The following ZBED5 variants were observed in gnomAD, a reference collection of about 807,000 sequenced individuals.
ZBED5 encodes zinc finger BED domain-containing protein 5.
In ZBED5, 29 loss-of-function variants were observed where a neutral mutation model predicts 49.2. The observed-to-expected ratio is 0.59, with a 90% CI of 0.44 to 0.80. The LOEUF (loss-of-function observed/expected upper bound fraction) is 0.80. ZBED5 is among the 30% of genes least tolerant of loss of function. The pLI, the probability that ZBED5 is intolerant of heterozygous loss-of-function variation, is 0.00. For synonymous variants in ZBED5, 281 were observed against 292.5 expected, an observed-to-expected ratio of 0.96 and a Z score of 0.40; for missense variants, 775 against 812.9, an observed-to-expected ratio of 0.95 and a Z score of 0.57.
At chr11:10,856,938 T>G (rs531788173) in intron 1 of ZBED5, among the ~76,000 whole-genome samples, 1 of 152,180 alleles carries the variant, frequency 6.6e-6, no homozygotes, top group Non-Finnish European at 1.5e-5. Flanking sequence ...ATTCCCCAAC[T>G]ACTAAAAAAT....
In ZBED5 at chr11:10,853,229, A is replaced by G; in HGVS notation, c.1717T>C (p.Trp573Arg). The change falls in exon 3 of 3, where the codon TGG becomes CGG. Residue 573 changes from tryptophan to arginine, a missense_variant. Trp to Arg is a moderately radical substitution (Grantham distance 101). Coordinates refer to ENST00000413761, the MANE Select transcript of ZBED5 (RefSeq NM_001143667.2). The surrounding 1 kb of genome is among the most constrained non-coding windows in gnomAD (Gnocchi z 5.4). ...GTAACTGTAAATGGATTTCTAACCC[A>G]AGCATTATTGTCATTTGTTACAGGA... ...YFPVTNDNNA[W>R]VRNPFTVTVK... The G allele has an allele frequency of 6.4e-7, 1 of 1,551,572 alleles. No individual in the cohort carries two copies. The highest frequency in any genetic ancestry group is 8.7e-7 in the Non-Finnish European group (1 of 1,146,840).
chr11:10,857,327 T>G lies in ZBED5; in HGVS notation c.-256+535A>C, dbSNP rs1300999074. 6.6e-6 allele frequency: 1 copy of G among 152,234 alleles called. No individual in the cohort carries two copies. Among genetic ancestry groups the G allele is most frequent in the African/African-American group, 2.4e-5 (1 of 41,456 alleles). The allele number at this position is 152,234 out of a possible 1,614,324, so 9.4% of individuals were successfully genotyped here. On this transcript the variant is annotated intron_variant, in intron 1 of 2. Transcript: ENST00000413761. This position sits in a 1 kb window ranked among gnomAD's most constrained non-coding sequence, Gnocchi z 6.3. ...CTGAAGAGCGGGGAAAACTTCCGTC[T>G]TTAGTCTCCTTCCGGTTAAACTGAC...
In ZBED5 at chr11:10,854,614, T is replaced by C. The variant is rs753791731; in HGVS notation, c.332A>G (p.Asp111Gly). ...FSKKPKRRKYDESYLSFGFTY... is the reference protein window; with the variant it reads ...FSKKPKRRKYGESYLSFGFTY... Reference sequence around the variant, plus strand: ...AAATCCAAAAGACAAATAACTTTCATCATATTTTCTTCTTTTTGGTTTTTT... The same window carrying C: ...AAATCCAAAAGACAAATAACTTTCACCATATTTTCTTCTTTTTGGTTTTTT... Residue 111 changes from aspartate (D) to glycine (G), a missense_variant, in exon 3 of 3, where the codon GAT becomes GGT. Physicochemically the swap from Asp to Gly is moderately conservative, Grantham distance 94. Coordinates refer to ENST00000413761, the MANE Select transcript of ZBED5 (RefSeq NM_001143667.2). The surrounding 1 kb of genome is among the most constrained non-coding windows in gnomAD (Gnocchi z 5.0). 6 of 1,550,846 alleles carry C rather than the reference T, an allele frequency of 3.9e-6. No homozygotes were observed. Among genetic ancestry groups the C allele is most frequent in the Admixed American group, 3.9e-5 (2 of 50,890 alleles).
chr11:10,855,991 A>T lies in ZBED5; in HGVS notation c.-142+153T>A, dbSNP rs960830994. On this transcript the variant is annotated intron_variant, in intron 2 of 2. Coordinates refer to ENST00000413761, the MANE Select transcript of ZBED5 (RefSeq NM_001143667.2). The surrounding 1 kb of genome is among the most constrained non-coding windows in gnomAD (Gnocchi z 4.1). Reference sequence around the variant, plus strand: ...CTAAGGATTGCTAAAGAATACTATTAACTCTATAAATCAAGGCATACAAAT... The same window carrying T: ...CTAAGGATTGCTAAAGAATACTATTTACTCTATAAATCAAGGCATACAAAT... 2.6e-5 allele frequency: 4 copies of T among 152,230 alleles called. No homozygotes were observed. In the South Asian group the frequency reaches 8.3e-4, roughly 31 times the overall value. The allele number at this position is 152,230 out of a possible 1,614,324, so 9.4% of individuals were successfully genotyped here.
Position 10,854,828 on chromosome 11 carries a change from G to C in ZBED5, c.118C>G (p.Leu40Val), listed in dbSNP as rs1246658389. 1.3e-6 allele frequency: 2 copies of C among 1,552,002 alleles called. No homozygotes were observed. ...TTNSLPMDLL[L>V]KQGSLKQEVE... ...TCTTGTTTAAGACTTCCTTGTTTCA[G>C]CAACAGATCCATGGGCAATGAGTTT... The change falls in exon 3 of 3, where the codon CTG (leucine) becomes GTG (valine). Residue 40 changes from leucine (L) to valine (V), a missense_variant. By Grantham distance (32) the Leu-to-Val change is conservative. Coordinates refer to ENST00000413761, the MANE Select transcript of ZBED5 (RefSeq NM_001143667.2). This position sits in a 1 kb window ranked among gnomAD's most constrained non-coding sequence, Gnocchi z 5.0.
chr11:10,856,007 G>C (rs1848175348), intron 2 of ZBED5, 137 bp downstream of exon 2: 1 of 152,048 alleles, frequency 6.6e-6, no homozygotes, highest in Non-Finnish European at 1.5e-5. Flanking sequence ...ATAAATCAAG[G>C]CATACAAATT....
rs1419269709 is a variant in ZBED5 at position 10,854,285 on chromosome 11, A to G, written c.661T>C (p.Cys221Arg). ...ATCCGCATCACTACATCTTTTGCACAAGGTTTGATAAGCAATTCTCCAATA... is the reference window on the plus strand; with the variant it reads ...ATCCGCATCACTACATCTTTTGCACGAGGTTTGATAAGCAATTCTCCAATA... ...HTIGELLIKP[C>R]AKDVVMRMFD... The change falls in exon 3 of 3, where the codon TGT (cysteine) becomes CGT (arginine). Residue 221 changes from cysteine (C) to arginine (R), a missense_variant. Physicochemically the swap from Cys to Arg is radical, Grantham distance 180. Coordinates refer to ENST00000413761, the MANE Select transcript of ZBED5 (RefSeq NM_001143667.2). This position sits in a 1 kb window ranked among gnomAD's most constrained non-coding sequence, Gnocchi z 5.0. 1.9e-6 allele frequency: 3 copies of G among 1,550,908 alleles called. No individual in the cohort carries two copies. In the African/African-American group the frequency reaches 4.1e-5, roughly 21 times the overall value.
chr11:10,853,458 C>T lies in ZBED5; in HGVS notation c.1488G>A (p.Val496=). The part of the protein sequence containing the change: ...EVNLSMQGKN[V]TVFTVFDKMS... ...TTTTATCAAATACTGTAAAAACGGT[C>T]ACATTTTTTCCTTGCATTGACAAAT... Residue 496 remains valine (V), a synonymous_variant, in exon 3 of 3, where the codon GTG becomes GTA. Coordinates refer to ENST00000413761, the MANE Select transcript of ZBED5 (RefSeq NM_001143667.2). This position sits in a 1 kb window ranked among gnomAD's most constrained non-coding sequence, Gnocchi z 5.4. 6.4e-7 allele frequency: 1 copy of T among 1,550,540 alleles called. No individual in the cohort carries two copies.
At position 10,852,736 on chromosome 11, in the gene ZBED5, T is replaced by TA; in HGVS notation, c.*127dup. 1 of 1,361,158 alleles carries TA rather than the reference T, an allele frequency of 7.3e-7. No individual in the cohort carries two copies. Among genetic ancestry groups the TA allele is most frequent in the Non-Finnish European group, 9.6e-7 (1 of 1,042,460 alleles). 84.3% of individuals were successfully genotyped at this position (1,361,158 alleles called of 1,614,324 possible). On this transcript the variant is annotated 3_prime_UTR_variant, in exon 3 of 3. Coordinates refer to ENST00000413761, the MANE Select transcript of ZBED5 (RefSeq NM_001143667.2). ...AAAACGTTTGATTCTTTAGCCTTCT[T>TA]AAAATCTAAATAGTATAAAAAAATG...
At position 10,854,580 on chromosome 11, in the gene ZBED5, G is replaced by A. The variant is rs943507638; in HGVS notation, c.366C>T (p.Phe122=). Residue 122 remains phenylalanine, a synonymous_variant, in exon 3 of 3, where the codon TTC becomes TTT. Coordinates refer to ENST00000413761, the MANE Select transcript of ZBED5 (RefSeq NM_001143667.2). The surrounding 1 kb of genome is among the most constrained non-coding windows in gnomAD (Gnocchi z 5.0). Reference sequence around the variant, plus strand: ...GAGCATGAGGTGCATCTCTATTTCCGAAGTAAGTAAATCCAAAAGACAAAT... The same window carrying A: ...GAGCATGAGGTGCATCTCTATTTCCAAAGTAAGTAAATCCAAAAGACAAAT... The part of the protein sequence containing the change: ...ESYLSFGFTY[F]GNRDAPHAQC... 2.3e-5 allele frequency: 36 copies of A among 1,551,118 alleles called. No individual in the cohort carries two copies. The highest frequency in any genetic ancestry group is 3.9e-5 in the Admixed American group (2 of 50,970).
In ZBED5 at chr11:10,855,332, A is replaced by G. The variant is rs1043679162; in HGVS notation, c.-141-246T>C. On this transcript the variant is annotated intron_variant, in intron 2 of 2. Transcript: ENST00000413761. The surrounding 1 kb of genome is among the most constrained non-coding windows in gnomAD (Gnocchi z 4.1). ...ATTTTTAAGAAAGGGACCCTGAAGA[A>G]TATGTCCCATGGCAGGGGTTGGCAG... Among the ~76,000 whole-genome samples, 9 of 152,190 alleles carry G rather than the reference A, an allele frequency of 5.9e-5. No individual in the cohort carries two copies. Among genetic ancestry groups the G allele is most frequent in the African/African-American group, 1.9e-4 (8 of 41,442 alleles).
In ZBED5 at chr11:10,857,672, C is replaced by T. The variant is rs1411598529; in HGVS notation, c.-256+190G>A. 1 of 152,384 alleles carries T rather than the reference C, an allele frequency of 6.6e-6. No individual in the cohort carries two copies. Among genetic ancestry groups the T allele is most frequent in the Non-Finnish European group, 1.5e-5 (1 of 68,180 alleles). The allele number at this position is 152,384 out of a possible 1,614,324, so 9.4% of individuals were successfully genotyped here. On this transcript the variant is annotated intron_variant, in intron 1 of 2. Coordinates refer to ENST00000413761, the MANE Select transcript of ZBED5 (RefSeq NM_001143667.2). This position sits in a 1 kb window ranked among gnomAD's most constrained non-coding sequence, Gnocchi z 6.3. ...GCCTGCGCTAACGACCACATGAAAA[C>T]GTCTCAGCACCCAACACCATCTCTC... is the stretch of plus-strand genomic sequence containing the variant.
rs1377787548 is a variant in ZBED5 at position 10,853,844 on chromosome 11, T to C, written c.1102A>G (p.Thr368Ala). 4 of 1,551,644 alleles carry C rather than the reference T, an allele frequency of 2.6e-6. No homozygotes were observed. Among genetic ancestry groups the C allele is most frequent in the Admixed American group, 2.0e-5 (1 of 51,002 alleles). Residue 368 changes from threonine (T) to alanine (A), a missense_variant, in exon 3 of 3, where the codon ACC becomes GCC. Transcript: ENST00000413761. The surrounding 1 kb of genome is among the most constrained non-coding windows in gnomAD (Gnocchi z 5.4). ...TLIKYVAPES[T>A]SSHCLLYRHA... Reference sequence around the variant, plus strand: ...CTGTATAATAGGCAGTGACTACTGGTGCTTTCGGGAGCCACATATTTTATT... The same window carrying C: ...CTGTATAATAGGCAGTGACTACTGGCGCTTTCGGGAGCCACATATTTTATT...
Position 10,854,673 on chromosome 11 carries a change from T to G in ZBED5, c.273A>C (p.Lys91Asn), listed in dbSNP as rs1022343748. The change falls in exon 3 of 3, where the codon AAA becomes AAC. Residue 91 changes from lysine to asparagine, a missense_variant. Physicochemically the swap from Lys to Asn is moderately conservative, Grantham distance 94 (BLOSUM62 0). Coordinates refer to ENST00000413761, the MANE Select transcript of ZBED5 (RefSeq NM_001143667.2). The surrounding 1 kb of genome is among the most constrained non-coding windows in gnomAD (Gnocchi z 5.0). ...TTATTTTGTTGGAATTGGATATAAA[T>G]TTGACCCTGGAAAGCTCACCTTCTG... is the stretch of plus-strand genomic sequence containing the variant. ...KKSEGELSRV[K>N]FISNSNKITF... The G allele has an allele frequency of 1.3e-6, 2 of 1,551,292 alleles. No individual in the cohort carries two copies. The highest frequency in any genetic ancestry group is 1.7e-6 in the Non-Finnish European group (2 of 1,146,904).
In ZBED5 at chr11:10,855,969, A is replaced by T. The variant is rs1848174217; in HGVS notation, c.-142+175T>A. The stretch of plus-strand genomic sequence containing the variant: ...AAAATTAAAAGGATAATGCAATCTA[A>T]GGATTGCTAAAGAATACTATTAACT... On this transcript the variant is annotated intron_variant, in intron 2 of 2. Transcript: ENST00000413761. The surrounding 1 kb of genome is among the most constrained non-coding windows in gnomAD (Gnocchi z 4.1). 6.6e-6 allele frequency: 1 copy of T among 152,208 alleles called. No homozygotes were observed. The highest frequency in any genetic ancestry group is 2.4e-5 in the African/African-American group (1 of 41,456). 9.4% of individuals were successfully genotyped at this position (152,208 alleles called of 1,614,324 possible).
chr11:10,853,672 G>A lies in ZBED5; in HGVS notation c.1274C>T (p.Ala425Val). 4 of 1,551,630 alleles carry A rather than the reference G, an allele frequency of 2.6e-6. No homozygotes were observed. Among genetic ancestry groups the A allele is most frequent in the Non-Finnish European group, 3.5e-6 (4 of 1,146,944 alleles). Reference sequence around the variant, plus strand: ...CCTCACCTCTGTATTTAGAAGAAGTGCTGTGTGCTGAGCACCCATTTCCTC... The same window carrying A: ...CCTCACCTCTGTATTTAGAAGAAGTACTGTGTGCTGAGCACCCATTTCCTC... ...LCEEMGAQHT[A>V]LLLNTEVRWL... The change falls in exon 3 of 3, where the codon GCA becomes GTA. Residue 425 changes from alanine (A) to valine (V), a missense_variant. Physicochemically the swap from Ala to Val is moderately conservative, Grantham distance 64 (BLOSUM62 0). Coordinates refer to ENST00000413761, the MANE Select transcript of ZBED5 (RefSeq NM_001143667.2). This position sits in a 1 kb window ranked among gnomAD's most constrained non-coding sequence, Gnocchi z 5.4.
In ZBED5 at chr11:10,857,088, GTC is replaced by G. The variant is rs997948714; in HGVS notation, c.-256+772_-256+773del. The stretch of plus-strand genomic sequence containing the variant: ...CAAAAAAGCAGATTCTCCTTCCACA[GTC>G]TCCTTTTGGATTTTGCAACGGAGAA... On this transcript the variant is annotated intron_variant, in intron 1 of 2. Transcript: ENST00000413761. This position sits in a 1 kb window ranked among gnomAD's most constrained non-coding sequence, Gnocchi z 6.3. 2 of 152,204 alleles carry G rather than the reference GTC, an allele frequency of 1.3e-5. No individual in the cohort carries two copies. Among genetic ancestry groups the G allele is most frequent in the African/African-American group, 4.8e-5 (2 of 41,438 alleles). 9.4% of individuals were successfully genotyped at this position (152,204 alleles called of 1,614,324 possible).
intron 1 of ZBED5, among the ~76,000 whole-genome samples, chr11:10,856,637 C>T (rs1282983402): frequency 6.6e-6 from 1 of 152,200 alleles, no homozygotes; most frequent in Non-Finnish European, 1.5e-5. Flanking sequence ...TGAAGCAGTT[C>T]TTTCACTACA....
At position 10,855,845 on chromosome 11, in the gene ZBED5, G is replaced by T. The variant is rs985772199; in HGVS notation, c.-142+299C>A. On this transcript the variant is annotated intron_variant, in intron 2 of 2. Coordinates refer to ENST00000413761, the MANE Select transcript of ZBED5 (RefSeq NM_001143667.2). The surrounding 1 kb of genome is among the most constrained non-coding windows in gnomAD (Gnocchi z 4.1). ...AATGTATATTTTTACAGATAACTCTGCATTCTATTTATACAACAGGTGACG... is the reference window on the plus strand; with the variant it reads ...AATGTATATTTTTACAGATAACTCTTCATTCTATTTATACAACAGGTGACG... 5 of 151,442 alleles carry T rather than the reference G, an allele frequency of 3.3e-5. No individual in the cohort carries two copies. Among genetic ancestry groups the T allele is most frequent in the African/African-American group, 1.2e-4 (5 of 41,136 alleles). 9.4% of individuals were successfully genotyped at this position (151,442 alleles called of 1,614,324 possible). A position where few individuals can be genotyped will look rare whatever the true frequency, so the allele number is the denominator to read the frequency against.
Sources: gnomAD v4.1 joint callset for allele counts (sites outside exome capture counted in the v4.1 genomes callset) on GRCh38, gnomAD v4.1.1 for gene constraint, Gnocchi (gnomAD v3.1) non-coding constraint, MANE v1.5 for transcripts, NCBI Gene and HGNC (gene_info 2026-07-23, HGNC 2026-07-21) for gene names.